PTPRD: variants seen among roughly 807,000 people sequenced by gnomAD.
PTPRD encodes receptor-type tyrosine-protein phosphatase delta.
PTPRD carries 34 observed loss-of-function variants against 214.5 expected under a neutral mutation model. The ratio of observed to expected loss-of-function variants is 0.16; its 90% CI spans 0.12 to 0.21. The LOEUF (loss-of-function observed/expected upper bound fraction) is 0.21. Ranked by LOEUF, PTPRD falls within the 10% of genes least tolerant of loss-of-function variation. The probability of loss-of-function intolerance (pLI) is 1.00; values close to 1 mark genes in which losing one functional copy is unlikely to be tolerated. For synonymous variants in PTPRD, 1,128 were observed against 845.7 expected, an observed-to-expected ratio of 1.33 and a Z score of -5.79; for missense variants, 2,545 against 2,398.7, an observed-to-expected ratio of 1.06 and a Z score of -1.27.
intron 5 of PTPRD, among the ~76,000 whole-genome samples, chr9:9,771,289 TGATA>T (rs946104279): frequency 1.4e-4 from 22 of 152,198 alleles, no homozygotes; most frequent in African/African-American, 4.6e-4. Context: ...TTAAGGTATC[TGATA>T]GTTAACACAT....
chr9:10,589,656 G>C (rs1324807601), intron 2 of PTPRD, among the ~76,000 whole-genome samples: 1 of 151,954 alleles, frequency 6.6e-6, no homozygotes, highest in African/African-American at 2.4e-5. Flanking sequence ...TAAAACCTTT[G>C]ACCCAGCAAA....
At chr9:9,706,450 T>C (rs1338318403) in intron 7 of PTPRD, among the ~76,000 whole-genome samples, 7 of 152,076 alleles carry the variant, frequency 4.6e-5, no homozygotes. Flanking sequence ...AACTCTTTTT[T>C]TTTTTTGAGA....
chr9:9,924,055 A>G (rs1227556437), intron 5 of PTPRD, among the ~76,000 whole-genome samples: 5 of 152,068 alleles, frequency 3.3e-5, no homozygotes, highest in Non-Finnish European at 1.5e-5. Flanking sequence ...CAGGAAAAAT[A>G]AATATATTGT....
At chr9:9,127,894 T>G (rs2099836519) in intron 10 of PTPRD, among the ~76,000 whole-genome samples, 1 of 152,202 alleles carries the variant, frequency 6.6e-6, no homozygotes, top group African/African-American at 2.4e-5. Context: ...ATCTTCTAAC[T>G]TTGCCAGAAT....
intron 11 of PTPRD, among the ~76,000 whole-genome samples, chr9:9,014,185 TTG>T (rs569623505): frequency 0.33 from 46,542 of 142,838 alleles, 7,771 homozygotes; most frequent in Middle Eastern, 0.36. Context: ...TCGTTTTTTT[TTG>T]TTTGTTTGTT....
At chr9:9,806,546 C>CA (rs1258954020) in intron 5 of PTPRD, among the ~76,000 whole-genome samples, 10 of 152,178 alleles carry the variant, frequency 6.6e-5, no homozygotes, top group South Asian at 6.2e-4. Context: ...CCCCTGCCCG[C>CA]AAAAAATTGC....
At chr9:9,368,065 A>G (rs1473965340) in intron 9 of PTPRD, among the ~76,000 whole-genome samples, 1 of 151,752 alleles carries the variant, frequency 6.6e-6, no homozygotes, top group African/African-American at 2.4e-5. Context: ...AAACTACTCA[A>G]TATGGATCCC....
intron 3 of PTPRD, among the ~76,000 whole-genome samples, chr9:10,273,881 T>C (rs2094543897): frequency 1.3e-5 from 2 of 152,142 alleles, no homozygotes; most frequent in Admixed American, 1.3e-4. Flanking sequence ...GCTACAAATA[T>C]TTATTTAACA....
intron 9 of PTPRD, among the ~76,000 whole-genome samples, chr9:9,319,285 G>C (rs1965157985): frequency 1.3e-5 from 2 of 152,122 alleles, no homozygotes; most frequent in African/African-American, 4.8e-5. Flanking sequence ...GTTTGGGAGT[G>C]CCTGAGATTT....
At chr9:9,855,817 G>T (rs774002078) in intron 5 of PTPRD, among the ~76,000 whole-genome samples, 9 of 152,178 alleles carry the variant, frequency 5.9e-5, no homozygotes, top group Non-Finnish European at 1.3e-4. Flanking sequence ...AAGCCCCAGA[G>T]GGCATGTTAG....
chr9:9,780,359 C>T (rs2098833548), intron 5 of PTPRD, among the ~76,000 whole-genome samples: 1 of 151,712 alleles, frequency 6.6e-6, no homozygotes, highest in African/African-American at 2.4e-5. Flanking sequence ...GCATATGTAC[C>T]CCTGTATTTA....
intron 45 of PTPRD, 90 bp downstream of exon 45, chr9:8,319,741 G>T (rs2130679337): frequency 6.8e-7 from 1 of 1,466,014 alleles, no homozygotes. Context: ...AGTATTTTGT[G>T]TCTGGTGTTG....
intron 7 of PTPRD, among the ~76,000 whole-genome samples, chr9:9,667,904 A>C (rs138970077): frequency 5.3e-5 from 8 of 152,254 alleles, no homozygotes; most frequent in Admixed American, 2.6e-4. Context: ...TTTGTAAAAC[A>C]TTCTCTTAGC....
intron 11 of PTPRD, among the ~76,000 whole-genome samples, chr9:8,819,854 G>C (rs529342670): frequency 6.6e-6 from 1 of 152,214 alleles, no homozygotes; most frequent in African/African-American, 2.4e-5. Context: ...CACAAAACGA[G>C]CTGAAAGATC....
At chr9:8,385,333 C>A (rs2086602860) in intron 37 of PTPRD, among the ~76,000 whole-genome samples, 1 of 152,094 alleles carries the variant, frequency 6.6e-6, no homozygotes, top group African/African-American at 2.4e-5. Context: ...TTGAGACCAG[C>A]CTGGGCAAAA....
At chr9:10,587,596 T>C (rs62539614) in intron 2 of PTPRD, among the ~76,000 whole-genome samples, 23,949 of 152,020 alleles carry the variant, frequency 0.16, 2,445 homozygotes, top group Non-Finnish European at 0.23. Flanking sequence ...TTGCATTTCC[T>C]CATCACTCTT....
chr9:9,020,812 T>C (rs1445556670), intron 10 of PTPRD, among the ~76,000 whole-genome samples: 1 of 152,074 alleles, frequency 6.6e-6, no homozygotes, highest in Non-Finnish European at 1.5e-5. Context: ...GAAGCAAAGG[T>C]CATTGAATGA....
chr9:9,835,890 A>G (rs566679856), intron 5 of PTPRD, among the ~76,000 whole-genome samples: 1 of 152,248 alleles, frequency 6.6e-6, no homozygotes, highest in Admixed American at 6.6e-5. Context: ...TCATTCAGTG[A>G]GAAGAAAATG....
chr9:9,573,553 A>T (rs2087286349), intron 8 of PTPRD, among the ~76,000 whole-genome samples: 2 of 151,740 alleles, frequency 1.3e-5, no homozygotes, highest in Non-Finnish European at 3.0e-5. Context: ...GATAATAGTA[A>T]TTTTTAGAAT....
Sources: gnomAD v4.1 joint callset for allele counts (sites outside exome capture counted in the v4.1 genomes callset) on GRCh38, gnomAD v4.1.1 for gene constraint, MANE v1.5 for transcripts, NCBI Gene and HGNC (gene_info 2026-07-23, HGNC 2026-07-21) for gene names.